The following S100Z variants were observed in gnomAD, a reference collection of about 807,000 sequenced individuals.
S100Z encodes protein S100-Z.
A neutral mutation model predicts 8.5 loss-of-function variants in S100Z; 11 were observed. The observed-to-expected ratio is 1.30, with a 90% CI of 0.82 to 2.15. The LOEUF is 2.15. S100Z is among the 30% of genes most tolerant of loss of function. The pLI, the probability that S100Z is intolerant of heterozygous loss-of-function variation, is 0.00. For missense variants in S100Z, 126 were observed against 117.9 expected (o/e 1.07, Z -0.32); for synonymous variants, 34 against 43.8 (o/e 0.78, Z 0.89).
chr5:76,890,202 T>G (rs1272480491), intron 4 of S100Z, among the ~76,000 whole-genome samples: 1 of 152,092 alleles, frequency 6.6e-6, no homozygotes, highest in Non-Finnish European at 1.5e-5. Context: ...TTTTATATTT[T>G]TAGTAGAGAT....
intron 4 of S100Z, among the ~76,000 whole-genome samples, chr5:76,883,181 G>A (rs939127937): frequency 6.6e-6 from 1 of 152,088 alleles, no homozygotes; most frequent in African/African-American, 2.4e-5. Context: ...GGATGGTAAG[G>A]GGTGCATCAT....
chr5:76,870,330 C>T (rs1742963914), intron 2 of S100Z, 46 bp downstream of exon 2: 1 of 152,118 alleles, frequency 6.6e-6, no homozygotes, highest in African/African-American at 2.4e-5. Context: ...AACATAATGT[C>T]TGATGGGGTT....
intron 4 of S100Z, among the ~76,000 whole-genome samples, chr5:76,901,974 T>G (rs78529449): frequency 0.012 from 1,882 of 152,192 alleles, 63 homozygotes; most frequent in East Asian, 0.11. Context: ...GCAGGTTCCC[T>G]CCTGGCCCAA....
intron 4 of S100Z, among the ~76,000 whole-genome samples, chr5:76,895,709 T>A (rs990071211): frequency 1.3e-5 from 2 of 151,706 alleles, no homozygotes; most frequent in African/African-American, 2.4e-5. Context: ...TTACATTAAG[T>A]TATTTTAAAA....
intron 4 of S100Z, among the ~76,000 whole-genome samples, chr5:76,916,160 C>CA (rs60866296): frequency 0.092 from 6,087 of 66,366 alleles, 401 homozygotes; most frequent in African/African-American, 0.19. Flanking sequence ...GACTCCATCT[C>CA]AAAAAAAAAA....
At position 76,887,812 on chromosome 5, in the gene S100Z, T is replaced by C. The variant is rs145680653; in HGVS notation, c.*2+9978T>C. On this transcript the variant is annotated intron_variant, in intron 4 of 4. Coordinates refer to ENST00000317593, the MANE Select transcript of S100Z (RefSeq NM_130772.4). ...CTAGTGCTAAGACCTGCCATTTTTT[T>C]CCCCCTTAAATAGAATATTTTTGTC... Among the ~76,000 whole-genome samples, 1,071 of 152,212 alleles carry C rather than the reference T, an allele frequency of 7.0e-3. 8 individuals carry two copies. The highest frequency in any genetic ancestry group is 0.024 in the African/African-American group (985 of 41,526).
chr5:76,950,993 A>T, the S100Z span, among the ~76,000 whole-genome samples: 1 of 151,706 alleles, frequency 6.6e-6, no homozygotes, highest in Non-Finnish European at 1.5e-5. Flanking sequence ...TTTTCTCGAT[A>T]GCTTGTAGTT....
chr5:76,901,372 T>G (rs1199880546), intron 4 of S100Z, among the ~76,000 whole-genome samples: 1 of 152,192 alleles, frequency 6.6e-6, no homozygotes, highest in Non-Finnish European at 1.5e-5. Context: ...AGTCAGGGAC[T>G]AGAGTAAAAA....
intron 4 of S100Z, among the ~76,000 whole-genome samples, chr5:76,907,569 C>T (rs970590196): frequency 6.6e-6 from 1 of 152,196 alleles, no homozygotes; most frequent in Non-Finnish European, 1.5e-5. Flanking sequence ...TCCCAAAGTG[C>T]TGGGATTACA....
intron 4 of S100Z, among the ~76,000 whole-genome samples, chr5:76,891,550 G>A (rs921814146): frequency 6.6e-6 from 1 of 152,124 alleles, no homozygotes; most frequent in East Asian, 1.9e-4. Flanking sequence ...AGTAAGTCGG[G>A]GTGGAGCCTG....
downstream of S100Z, among the ~76,000 whole-genome samples, chr5:76,923,011 T>C (rs1442478561): frequency 9.8e-6 from 1 of 102,340 alleles, no homozygotes; most frequent in Non-Finnish European, 2.1e-5. Flanking sequence ...ACAATGCCTA[T>C]GTAAAAAAAA....
At chr5:76,888,367 ATTTTTTTTTT>A (rs1171043164) in intron 4 of S100Z, among the ~76,000 whole-genome samples, 537 of 45,396 alleles carry the variant, frequency 0.012, no homozygotes, top group African/African-American at 0.046. Flanking sequence ...AAGTGCTGGT[ATTTTTTTTTT>A]TTTTTTTTTT....
At chr5:76,888,364 G>T (rs1743726050) in intron 4 of S100Z, among the ~76,000 whole-genome samples, 3 of 110,608 alleles carry the variant, frequency 2.7e-5, no homozygotes, top group African/African-American at 6.7e-5. Context: ...GGAAAGTGCT[G>T]GTATTTTTTT....
At chr5:76,923,692 A>G (rs1745085907), downstream of S100Z, among the ~76,000 whole-genome samples, 3 of 152,226 alleles carry the variant, frequency 2.0e-5, no homozygotes, top group African/African-American at 7.2e-5. Flanking sequence ...CAACACCACC[A>G]TAGCTCCATC....
chr5:76,857,018 C>T (rs939555887), intron 1 of S100Z, among the ~76,000 whole-genome samples: 5 of 152,146 alleles, frequency 3.3e-5, no homozygotes, highest in African/African-American at 1.2e-4. Flanking sequence ...GTCACAGAGG[C>T]TGGGCATGGT....
At chr5:76,926,560 T>C (rs1488314006), downstream of S100Z, among the ~76,000 whole-genome samples, 1 of 152,086 alleles carries the variant, frequency 6.6e-6, no homozygotes, top group Non-Finnish European at 1.5e-5. Context: ...TAGAGCCTGG[T>C]TAGGAGCTGT....
At chr5:76,937,310 G>C in the S100Z span, among the ~76,000 whole-genome samples, 1 of 151,670 alleles carries the variant, frequency 6.6e-6, no homozygotes. Flanking sequence ...GTTGCACCTG[G>C]GGTAATACCT....
intron 4 of S100Z, among the ~76,000 whole-genome samples, chr5:76,883,620 T>C (rs997703131): frequency 1.3e-5 from 2 of 152,144 alleles, no homozygotes; most frequent in South Asian, 4.1e-4. Context: ...CCAGGGGGCT[T>C]CCGAGGTGAT....
the S100Z span, among the ~76,000 whole-genome samples, chr5:76,926,780 C>T: frequency 7.8e-3 from 1,181 of 152,216 alleles, 24 homozygotes; most frequent in African/African-American, 0.027. Flanking sequence ...TTCCAGCTTG[C>T]GGCAGTAGAA....
Sources: allele counts gnomAD v4.1 joint callset (sites outside exome capture counted in the v4.1 genomes callset), GRCh38; gene constraint gnomAD v4.1.1; transcripts MANE v1.5; gene names NCBI Gene and HGNC (gene_info 2026-07-23, HGNC 2026-07-21).